Variants in SGCD observed in about 807,000 individuals in gnomAD.
SGCD encodes delta-sarcoglycan.
SGCD carries 18 observed loss-of-function variants against 36.6 expected under a neutral mutation model. That is an observed-to-expected ratio of 0.49 (90% CI 0.34 to 0.73). SGCD has a LOEUF of 0.73. Among genes scored for constraint, SGCD ranks in the 30% least tolerant of loss-of-function variants. The pLI is 0.01. For synonymous variants in SGCD, 133 were observed against 130.6 expected, an observed-to-expected ratio of 1.02 and a Z score of -0.12; for missense variants, 387 against 346.7, an observed-to-expected ratio of 1.12 and a Z score of -0.92.
At chr5:156,283,381 A>G (rs1281140020) in intron 3 of SGCD, among the ~76,000 whole-genome samples, 1 of 152,196 alleles carries the variant, frequency 6.6e-6, no homozygotes, top group East Asian at 1.9e-4. Context: ...ATAACACTGA[A>G]GTTTAACCAT....
At chr5:155,803,145 C>G in the SGCD span, among the ~76,000 whole-genome samples, 1 of 152,216 alleles carries the variant, frequency 6.6e-6, no homozygotes, top group Non-Finnish European at 1.5e-5. Context: ...CCATCATCTC[C>G]CAGTTTGTGT....
At chr5:156,587,036 A>G (rs1301371646) in intron 4 of SGCD, among the ~76,000 whole-genome samples, 1 of 152,222 alleles carries the variant, frequency 6.6e-6, no homozygotes, top group Non-Finnish European at 1.5e-5. Context: ...CCAAGGCCAT[A>G]CAATTACCAT....
intron 3 of SGCD, among the ~76,000 whole-genome samples, chr5:156,469,744 T>C (rs1010405782): frequency 6.6e-6 from 1 of 152,204 alleles, no homozygotes; most frequent in Admixed American, 6.5e-5. Flanking sequence ...CTTTCATATG[T>C]TGGTGTAAGA....
intron 6 of SGCD, among the ~76,000 whole-genome samples, chr5:156,614,343 C>A (rs1761946644): frequency 6.6e-6 from 1 of 152,218 alleles, no homozygotes; most frequent in Admixed American, 6.5e-5. Flanking sequence ...GAGTCAGGAT[C>A]TAAATCCAGG....
At chr5:156,563,287 A>T (rs546453200) in intron 4 of SGCD, among the ~76,000 whole-genome samples, 7 of 152,068 alleles carry the variant, frequency 4.6e-5, no homozygotes, top group African/African-American at 9.7e-5. Context: ...CAGCTGACAG[A>T]CCATTATTAA....
intron 4 of SGCD, among the ~76,000 whole-genome samples, chr5:156,533,631 A>C (rs1757977937): frequency 1.3e-5 from 2 of 152,186 alleles, no homozygotes. Context: ...TACAGAACAT[A>C]GAAAATAAGA....
intron 2 of SGCD, among the ~76,000 whole-genome samples, chr5:156,340,832 T>G (rs1055188221): frequency 2.0e-5 from 3 of 152,214 alleles, no homozygotes; most frequent in African/African-American, 2.4e-5. Flanking sequence ...TCATCTTTGT[T>G]TTTATCTTTC....
chr5:156,743,855 A>G (rs1479800644), intron 7 of SGCD, among the ~76,000 whole-genome samples: 1 of 152,262 alleles, frequency 6.6e-6, no homozygotes, highest in African/African-American at 2.4e-5. Flanking sequence ...TTGAGTTTCA[A>G]AGTGACCCTT....
chr5:156,244,568 GTGTT>G (rs1765394476), intron 3 of SGCD, among the ~76,000 whole-genome samples: 1 of 152,114 alleles, frequency 6.6e-6, no homozygotes, highest in Non-Finnish European at 1.5e-5. Context: ...AAATGATTCA[GTGTT>G]TGTTTGTTTT....
chr5:156,577,784 T>C (rs1399141792), intron 4 of SGCD, among the ~76,000 whole-genome samples: 1 of 152,248 alleles, frequency 6.6e-6, no homozygotes, highest in Non-Finnish European at 1.5e-5. Flanking sequence ...GAGACTTTGC[T>C]GAAGTTGCTT....
At chr5:156,590,194 A>G (rs1480158467) in intron 5 of SGCD, among the ~76,000 whole-genome samples, 2 of 152,200 alleles carry the variant, frequency 1.3e-5, no homozygotes, top group African/African-American at 4.8e-5. Flanking sequence ...GCCTCGAAAC[A>G]TTACTGTTAT....
intron 7 of SGCD, among the ~76,000 whole-genome samples, chr5:156,649,555 T>A (rs987516943): frequency 2.0e-5 from 3 of 152,174 alleles, no homozygotes; most frequent in African/African-American, 7.2e-5. Context: ...GTTCATGTCC[T>A]TTGTAGGGAC....
At chr5:156,651,554 G>A (rs914876626) in intron 7 of SGCD, among the ~76,000 whole-genome samples, 1 of 152,172 alleles carries the variant, frequency 6.6e-6, no homozygotes, top group South Asian at 2.1e-4. Flanking sequence ...TATTGAATAG[G>A]GAATCCTTTC....
chr5:156,576,293 A>G (rs986396500), intron 4 of SGCD, among the ~76,000 whole-genome samples: 4 of 152,108 alleles, frequency 2.6e-5, no homozygotes, highest in African/African-American at 2.4e-5. Context: ...CATGGTGTAT[A>G]TGTGCCACAT....
chr5:155,884,416 C>T (rs893248324), intron 1 of SGCD, among the ~76,000 whole-genome samples: 1 of 152,198 alleles, frequency 6.6e-6, no homozygotes. Flanking sequence ...TAACTTTCAG[C>T]AGTAAGTTTG....
chr5:156,677,335 A>G (rs1245898871), intron 7 of SGCD, among the ~76,000 whole-genome samples: 2 of 152,364 alleles, frequency 1.3e-5, no homozygotes, highest in East Asian at 3.9e-4. Context: ...CTATGCAGCC[A>G]TAAGAAAGAA....
intron 4 of SGCD, among the ~76,000 whole-genome samples, chr5:156,585,486 T>G (rs1206489535): frequency 6.6e-6 from 1 of 152,174 alleles, no homozygotes; most frequent in Non-Finnish European, 1.5e-5. Flanking sequence ...CAGGTGATAT[T>G]CAAAGTTAGT....
chr5:155,951,226 T>G (rs191979178), intron 1 of SGCD, among the ~76,000 whole-genome samples: 1 of 152,232 alleles, frequency 6.6e-6, no homozygotes, highest in Admixed American at 6.5e-5. Context: ...CTGAAAGACA[T>G]ATACAGGATC....
the SGCD span, among the ~76,000 whole-genome samples, chr5:155,837,356 C>T: frequency 1.3e-5 from 2 of 152,086 alleles, no homozygotes; most frequent in East Asian, 1.9e-4. Context: ...TGGGGTTTCA[C>T]CATGTTGGCT....
Sources: allele counts gnomAD v4.1 joint callset (sites outside exome capture counted in the v4.1 genomes callset), GRCh38; gene constraint gnomAD v4.1.1; transcripts MANE v1.5; gene names NCBI Gene and HGNC (gene_info 2026-07-23, HGNC 2026-07-21).